The following FLI1 variants were observed in gnomAD, a reference collection of about 807,000 sequenced individuals.
FLI1 encodes Friend leukemia integration 1 transcription factor.
FLI1 carries 13 observed loss-of-function variants against 53.1 expected under a neutral mutation model. The ratio of observed to expected loss-of-function variants is 0.24; its 90% CI spans 0.16 to 0.39. FLI1 has a LOEUF of 0.39. Ranked by LOEUF, FLI1 falls within the 10% of genes least tolerant of loss-of-function variation. The pLI is 1.00. For missense variants in FLI1, 424 were observed against 600.5 expected (o/e 0.71, Z 3.07); for synonymous variants, 244 against 236.7 (o/e 1.03, Z -0.28).
rs138999969 is a variant in FLI1, at chr11:128,776,479, C to T, written c.589+3494C>T. Among the ~76,000 whole-genome samples, 7 of 152,304 alleles carry T rather than the reference C, an allele frequency of 4.6e-5. No homozygotes were observed. In the East Asian group the frequency reaches 1.4e-3, roughly 29 times the overall value. On this transcript the variant is annotated intron_variant, in intron 4 of 8. Transcript: ENST00000527786. ...CAGCCTGGCCAACGTGGTGAAACCC[C>T]GTCTCTACTAAACATACAAAAATGA...
At chr11:128,708,143 C>T (rs1003048046) in intron 1 of FLI1, among the ~76,000 whole-genome samples, 3 of 152,126 alleles carry the variant, frequency 2.0e-5, no homozygotes, top group Non-Finnish European at 2.9e-5. Context: ...CTTGGTTTCC[C>T]CATTGCCGTG....
chr11:128,802,606 T>A (rs887339048), intron 5 of FLI1, among the ~76,000 whole-genome samples: 8 of 152,320 alleles, frequency 5.3e-5, no homozygotes, highest in Non-Finnish European at 1.0e-4. Context: ...TTCACCTATG[T>A]GAGGACTGTA....
chr11:128,706,810 C>A (rs930613274), intron 1 of FLI1, among the ~76,000 whole-genome samples: 3 of 152,180 alleles, frequency 2.0e-5, no homozygotes, highest in African/African-American at 7.2e-5. Flanking sequence ...TGTAGCCACC[C>A]AAATTTTACT....
At chr11:128,686,748 AC>A (rs1865810976) in intron 1 of FLI1, 1 of 299,290 alleles carries the variant, frequency 3.3e-6, no homozygotes, top group African/African-American at 2.2e-5. Context: ...CCCAGCTTCT[AC>A]CCCACCCGGG....
chr11:128,789,605 T>C (rs1942204655), intron 5 of FLI1, among the ~76,000 whole-genome samples: 1 of 152,180 alleles, frequency 6.6e-6, no homozygotes, highest in Non-Finnish European at 1.5e-5. Flanking sequence ...GGAGGGCATC[T>C]TTGTCCCTCG....
intron 5 of FLI1, among the ~76,000 whole-genome samples, chr11:128,787,087 C>T (rs773474718): frequency 1.2e-4 from 18 of 152,278 alleles, no homozygotes; most frequent in Admixed American, 7.2e-4. Flanking sequence ...TTTCTGTGTC[C>T]CTTAGAGTGA....
At chr11:128,772,641 G>A (rs1394954576) in intron 3 of FLI1, 141 bp from the exon 4 acceptor site, 23 of 710,082 alleles carry the variant, frequency 3.2e-5, no homozygotes, top group Non-Finnish European at 4.7e-5. Context: ...GAGTGTTCTA[G>A]GGGAACCATG....
chr11:128,697,459 C>A (rs188817942), intron 1 of FLI1, among the ~76,000 whole-genome samples: 6 of 152,244 alleles, frequency 3.9e-5, no homozygotes, highest in African/African-American at 1.4e-4. Flanking sequence ...GAAAATGGGG[C>A]CAAAGCACCT....
chr11:128,709,216 CTAATAA>C (rs1261800266), intron 1 of FLI1, among the ~76,000 whole-genome samples: 3 of 152,180 alleles, frequency 2.0e-5, no homozygotes, highest in African/African-American at 4.8e-5. Flanking sequence ...ACCAACCTTA[CTAATAA>C]TAAGAATCAA....
chr11:128,695,127 C>A (rs936057542), intron 1 of FLI1, among the ~76,000 whole-genome samples: 1 of 152,184 alleles, frequency 6.6e-6, no homozygotes, highest in African/African-American at 2.4e-5. Flanking sequence ...GCTGTGAGCC[C>A]GCGCCCCGCG....
At chr11:128,783,429 C>T (rs1941986299) in intron 5 of FLI1, among the ~76,000 whole-genome samples, 1 of 152,170 alleles carries the variant, frequency 6.6e-6, no homozygotes, top group South Asian at 2.1e-4. Flanking sequence ...TTGTGTTTTT[C>T]ATTTGTTTCC....
intron 1 of FLI1, among the ~76,000 whole-genome samples, chr11:128,729,043 C>G (rs1353040852): frequency 6.6e-6 from 1 of 152,228 alleles, no homozygotes. Context: ...GCTGGCTGAG[C>G]TCCTGCGTGA....
chr11:128,755,912 C>T (rs586482), intron 1 of FLI1, among the ~76,000 whole-genome samples: 46,571 of 152,092 alleles, frequency 0.31, 7,461 homozygotes, highest in Admixed American at 0.42. Flanking sequence ...CAGCTGAAAA[C>T]AGCCATAGAA....
chr11:128,712,149 C>T (rs532584619), intron 1 of FLI1, among the ~76,000 whole-genome samples: 61 of 152,194 alleles, frequency 4.0e-4, no homozygotes, highest in Non-Finnish European at 5.3e-4. Context: ...CATCTCTGGG[C>T]GAGAAGTGAG....
chr11:128,717,034 G>A (rs1939043074), intron 1 of FLI1, among the ~76,000 whole-genome samples: 1 of 152,104 alleles, frequency 6.6e-6, no homozygotes, highest in Non-Finnish European at 1.5e-5. Context: ...GGCATGCTGT[G>A]TAATTTTCCA....
At chr11:128,759,660 G>T (rs1388258804) in intron 2 of FLI1, among the ~76,000 whole-genome samples, 2 of 152,348 alleles carry the variant, frequency 1.3e-5, no homozygotes, top group East Asian at 3.9e-4. Context: ...AAAGGCTGGT[G>T]CTGTGAGCAG....
At chr11:128,805,663 A>T in intron 6 of FLI1, 1 of 483,856 alleles carries the variant, frequency 2.1e-6, no homozygotes, top group Middle Eastern at 3.4e-4. Context: ...GTTTTAGAAC[A>T]TGGGAAATTT....
chr11:128,721,665 C>T (rs1939258588), intron 1 of FLI1, among the ~76,000 whole-genome samples: 1 of 152,176 alleles, frequency 6.6e-6, no homozygotes, highest in South Asian at 2.1e-4. Context: ...CTACATGAAC[C>T]CAAACCTTTG....
intron 5 of FLI1, among the ~76,000 whole-genome samples, chr11:128,788,267 C>G (rs540793341): frequency 3.9e-5 from 6 of 151,930 alleles, no homozygotes; most frequent in African/African-American, 1.4e-4. Flanking sequence ...GTCAGAAGTT[C>G]AAGACCAGCT....
Sources: gnomAD v4.1 joint callset for allele counts (sites outside exome capture counted in the v4.1 genomes callset) on GRCh38, gnomAD v4.1.1 for gene constraint, MANE v1.5 for transcripts, NCBI Gene and HGNC (gene_info 2026-07-23, HGNC 2026-07-21) for gene names.